SLC25A26: variants seen among roughly 807,000 people sequenced by gnomAD.
SLC25A26 encodes solute carrier family 25 member 26.
SLC25A26 carries 36 observed loss-of-function variants against 37.8 expected under a neutral mutation model. The observed-to-expected ratio is 0.95, with a 90% CI of 0.73 to 1.26. The LOEUF (loss-of-function observed/expected upper bound fraction) is 1.26. Among genes scored for constraint, SLC25A26 ranks in the 50% most tolerant of loss-of-function variants. The pLI, the probability that SLC25A26 is intolerant of heterozygous loss-of-function variation, is 0.00. For missense variants in SLC25A26, 390 were observed against 331.1 expected (o/e 1.18, Z -1.38); for synonymous variants, 129 against 122.5 (o/e 1.05, Z -0.35).
intron 5 of SLC25A26, among the ~76,000 whole-genome samples, chr3:66,296,656 C>T (rs2074911186): frequency 6.6e-6 from 1 of 152,062 alleles, no homozygotes; most frequent in Non-Finnish European, 1.5e-5. Context: ...CTTTTATTAG[C>T]TAAATATTAT....
At chr3:66,346,762 T>TGTGTGTGTGTG (rs2076335995) in intron 6 of SLC25A26, among the ~76,000 whole-genome samples, 2 of 102,392 alleles carry the variant, frequency 2.0e-5, no homozygotes, top group Non-Finnish European at 2.2e-5. Flanking sequence ...GTGTGTGTGT[T>TGTGTGTGTGTG]TAGAAGTTAA....
At chr3:66,162,165 C>T (rs1023208760) in intron 1 of SLC25A26, among the ~76,000 whole-genome samples, 1 of 152,064 alleles carries the variant, frequency 6.6e-6, no homozygotes, top group Non-Finnish European at 1.5e-5. Flanking sequence ...GTGGTCTTCC[C>T]TCTGTGAATG....
chr3:66,377,627 G>T (rs1700749717), intron 9 of SLC25A26, 63 bp from the exon 10 acceptor site: 1 of 1,293,090 alleles, frequency 7.7e-7, no homozygotes, highest in African/African-American at 1.5e-5. Context: ...CAAGCTGTGG[G>T]TATTGGAATT....
chr3:66,365,815 A>G (rs891454782), intron 7 of SLC25A26, among the ~76,000 whole-genome samples: 1 of 152,174 alleles, frequency 6.6e-6, no homozygotes, highest in Admixed American at 6.5e-5. Context: ...TCACGCACAT[A>G]AGAGGGGTAT....
intron 1 of SLC25A26, among the ~76,000 whole-genome samples, chr3:66,190,146 C>A (rs968543139): frequency 6.6e-6 from 1 of 151,974 alleles, no homozygotes; most frequent in Non-Finnish European, 1.5e-5. Flanking sequence ...AAGCCATCTA[C>A]AAAAACTAAT....
intron 5 of SLC25A26, among the ~76,000 whole-genome samples, chr3:66,330,861 A>G (rs920316298): frequency 6.6e-6 from 1 of 152,204 alleles, no homozygotes; most frequent in African/African-American, 2.4e-5. Context: ...AAGGAATCAG[A>G]TCCAAGATAA....
chr3:66,375,342 C>T (rs756847398), intron 9 of SLC25A26, among the ~76,000 whole-genome samples: 6 of 152,158 alleles, frequency 3.9e-5, no homozygotes, highest in Non-Finnish European at 7.4e-5. Context: ...CTAAGATCAT[C>T]GATGAAGGCA....
At chr3:66,197,447 A>C (rs2071060094) in intron 1 of SLC25A26, among the ~76,000 whole-genome samples, 1 of 152,218 alleles carries the variant, frequency 6.6e-6, no homozygotes, top group African/African-American at 2.4e-5. Context: ...TCTCAGGCTC[A>C]GCTTCAAGGT....
chr3:66,275,991 A>G (rs573698004), intron 5 of SLC25A26, among the ~76,000 whole-genome samples: 34 of 152,204 alleles, frequency 2.2e-4, no homozygotes, highest in African/African-American at 7.5e-4. Flanking sequence ...TTAAGAGACT[A>G]TATATGTAAG....
intron 6 of SLC25A26, chr3:66,356,081 A>G: frequency 2.2e-6 from 1 of 456,310 alleles, no homozygotes; most frequent in Non-Finnish European, 4.4e-6. Context: ...AGAAGTCCCA[A>G]GTTGTAAGTA....
chr3:66,291,278 GT>G (rs201378114), intron 5 of SLC25A26, among the ~76,000 whole-genome samples: 34 of 152,068 alleles, frequency 2.2e-4, no homozygotes, highest in East Asian at 9.7e-4. Flanking sequence ...AATTAATTGT[GT>G]TTTTGGGGGG....
intron 5 of SLC25A26, among the ~76,000 whole-genome samples, chr3:66,295,509 C>T (rs531296057): frequency 4.0e-5 from 6 of 150,696 alleles, no homozygotes; most frequent in African/African-American, 1.5e-4. Flanking sequence ...TCACGCCATT[C>T]TTCTGCCTCA....
At chr3:66,348,083 C>G (rs1258692490) in intron 6 of SLC25A26, among the ~76,000 whole-genome samples, 1 of 152,124 alleles carries the variant, frequency 6.6e-6, no homozygotes, top group African/African-American at 2.4e-5. Flanking sequence ...GTCACATTTA[C>G]CTGTGTAACA....
At chr3:66,371,361 A>G in intron 9 of SLC25A26, 1 of 1,539,166 alleles carries the variant, frequency 6.5e-7, no homozygotes, top group South Asian at 1.2e-5. Flanking sequence ...GTTTTTGTGT[A>G]CCTTTGGCAG....
chr3:66,316,872 T>C (rs2075554441), intron 5 of SLC25A26, among the ~76,000 whole-genome samples: 2 of 152,202 alleles, frequency 1.3e-5, no homozygotes, highest in African/African-American at 4.8e-5. Flanking sequence ...TTCTGATATC[T>C]TCTCTTCCAC....
intron 9 of SLC25A26, among the ~76,000 whole-genome samples, chr3:66,374,601 C>G (rs768496193): frequency 6.6e-6 from 1 of 152,166 alleles, no homozygotes; most frequent in African/African-American, 2.4e-5. Flanking sequence ...ATAAAAAACT[C>G]GGGCCGGGCA....
intron 5 of SLC25A26, among the ~76,000 whole-genome samples, chr3:66,289,425 A>G (rs2074628389): frequency 6.6e-6 from 1 of 152,110 alleles, no homozygotes; most frequent in Non-Finnish European, 1.5e-5. Context: ...GGTATTGCCT[A>G]GGTTTTCTTC....
intron 5 of SLC25A26, among the ~76,000 whole-genome samples, chr3:66,264,393 A>G (rs2073662952): frequency 6.6e-6 from 1 of 152,200 alleles, no homozygotes; most frequent in Non-Finnish European, 1.5e-5. Flanking sequence ...CCCCAACCCC[A>G]GGGCCGTGGA....
At chr3:66,255,480 A>G (rs1254055869) in intron 3 of SLC25A26, among the ~76,000 whole-genome samples, 1 of 150,632 alleles carries the variant, frequency 6.6e-6, no homozygotes, top group Non-Finnish European at 1.5e-5. Flanking sequence ...TTGATAAAGT[A>G]TGGAGGGAGC....
Sources: gnomAD v4.1 joint callset for allele counts (sites outside exome capture counted in the v4.1 genomes callset) on GRCh38, gnomAD v4.1.1 for gene constraint, MANE v1.5 for transcripts, NCBI Gene and HGNC (gene_info 2026-07-23, HGNC 2026-07-21) for gene names.